The following ITGA4 variants were observed in gnomAD, a reference collection of about 807,000 sequenced individuals.
The protein encoded by ITGA4 is integrin subunit alpha 4.
Under a neutral mutation model 133.6 loss-of-function variants are expected in ITGA4, and 63 were observed. That is an observed-to-expected ratio of 0.47 (90% confidence interval 0.38 to 0.58). The LOEUF is 0.58. ITGA4 is among the 20% of genes least tolerant of loss of function. ITGA4 has a pLI of 0.00. For missense variants in ITGA4, 1,076 were observed against 1,252.7 expected, an observed-to-expected ratio of 0.86 and a Z score of 2.13; for synonymous variants, 483 against 438.0, an observed-to-expected ratio of 1.10 and a Z score of -1.28.
intron 2 of ITGA4, chr2:181,458,959 A>G (rs1346920518): frequency 2.0e-5 from 3 of 152,438 alleles, no homozygotes; most frequent in Non-Finnish European, 2.9e-5. Flanking sequence ...CAAGTTGAAA[A>G]ATGTGTACTG....
At chr2:181,492,791 T>C (rs1230392629) in intron 10 of ITGA4, among the ~76,000 whole-genome samples, 2 of 152,218 alleles carry the variant, frequency 1.3e-5, no homozygotes, top group South Asian at 2.1e-4. Flanking sequence ...ATCATTTTCA[T>C]TGGAATAGGA....
At chr2:181,534,751 T>A (rs757516494) in intron 26 of ITGA4, 65 bp from the exon 27 acceptor site, 7 of 1,383,598 alleles carry the variant, frequency 5.1e-6, no homozygotes, top group Non-Finnish European at 6.9e-6. Context: ...AAAGGAAATA[T>A]AAGCAACGTT....
intron 20 of ITGA4, 82 bp from the exon 21 acceptor site, chr2:181,525,120 A>C: frequency 1.4e-6 from 1 of 738,526 alleles, no homozygotes; most frequent in South Asian, 1.7e-5. Flanking sequence ...TGAGTATATT[A>C]GGTATACAGG....
At chr2:181,460,254 T>C (rs1451528822) in intron 2 of ITGA4, among the ~76,000 whole-genome samples, 1 of 152,222 alleles carries the variant, frequency 6.6e-6, no homozygotes, top group Non-Finnish European at 1.5e-5. Context: ...AGTTAAAACA[T>C]TAATAGTGAT....
At chr2:181,470,853 T>C (rs547185884) in intron 2 of ITGA4, among the ~76,000 whole-genome samples, 1 of 152,044 alleles carries the variant, frequency 6.6e-6, no homozygotes, top group Non-Finnish European at 1.5e-5. Context: ...GCAGCCTAGA[T>C]GACAGAGTGA....
chr2:181,499,772 C>CT (rs1484884555), intron 15 of ITGA4, among the ~76,000 whole-genome samples: 1 of 152,088 alleles, frequency 6.6e-6, no homozygotes, highest in African/African-American at 2.4e-5. Flanking sequence ...TAAAGAGGTT[C>CT]TTTTTTTCAT....
At chr2:181,521,554 A>C (rs1023570473) in intron 17 of ITGA4, among the ~76,000 whole-genome samples, 2 of 152,220 alleles carry the variant, frequency 1.3e-5, no homozygotes, top group African/African-American at 4.8e-5. Context: ...ATGGATTTAC[A>C]GCAATCTATA....
rs776412058 is a variant in ITGA4, at chr2:181,457,517, C to T, written c.-138C>T. 2.2e-5 allele frequency: 18 copies of T among 811,046 alleles called. No individual in the cohort carries two copies. Among genetic ancestry groups the T allele is most frequent in the Non-Finnish European group, 3.2e-5 (17 of 528,558 alleles). 50.2% of individuals were successfully genotyped at this position (811,046 alleles called of 1,614,324 possible). On this transcript the variant is annotated 5_prime_UTR_variant, in exon 1 of 28. Transcript: ENST00000397033. ...GCCGACTTCCCCTCCTCTTCCCTCT[C>T]TCCTTCCTTTAGCCCGCTGGCGCCG...
At chr2:181,492,182 AGTGG>A (rs1451746827) in intron 10 of ITGA4, among the ~76,000 whole-genome samples, 7 of 152,262 alleles carry the variant, frequency 4.6e-5, no homozygotes, top group African/African-American at 1.7e-4. Context: ...TGAATAAATG[AGTGG>A]GCATATTTGT....
chr2:181,461,176 T>G (rs1685267246), intron 2 of ITGA4, among the ~76,000 whole-genome samples: 1 of 147,836 alleles, frequency 6.8e-6, no homozygotes, highest in Non-Finnish European at 1.5e-5. Flanking sequence ...ATTCATGCCA[T>G]AAGCAGAAGT....
intron 2 of ITGA4, among the ~76,000 whole-genome samples, chr2:181,472,337 ATTGTC>A (rs1685574032): frequency 6.6e-6 from 1 of 152,108 alleles, no homozygotes; most frequent in African/African-American, 2.4e-5. Flanking sequence ...GTTCTAAACT[ATTGTC>A]TTTTTAATCT....
At position 181,457,728 on chromosome 2, in the gene ITGA4, G is replaced by C. The variant is rs751645223; in HGVS notation, c.74G>C (p.Cys25Ser). The change falls in exon 1 of 28, where the codon TGC becomes TCC. Residue 25 changes from cysteine (C) to serine (S), a missense_variant. This residue lies in a region of ITGA4 where 82 missense variants were observed against 68.3 expected (regional missense o/e 1.20). Coordinates refer to ENST00000397033, the MANE Select transcript of ITGA4 (RefSeq NM_000885.6). ...AVRETVMLLLCLGVPTGRPYN... is the reference protein window; with the variant it reads ...AVRETVMLLLSLGVPTGRPYN... ...CGGGAGACGGTGATGCTGTTGCTGT[G>C]CCTGGGGGTCCCGACCGGCCGCCCC... 2 of 1,612,810 alleles carry C rather than the reference G, an allele frequency of 1.2e-6. No homozygotes were observed. The highest frequency in any genetic ancestry group is 1.7e-6 in the Non-Finnish European group (2 of 1,179,784).
intron 2 of ITGA4, chr2:181,459,526 T>A (rs747651972): frequency 2.0e-5 from 3 of 152,198 alleles, no homozygotes; most frequent in African/African-American, 4.8e-5. Flanking sequence ...AGTATAAACA[T>A]AATGGAATTT....
chr2:181,534,600 T>G (rs1200456910), intron 26 of ITGA4, among the ~76,000 whole-genome samples: 1 of 148,946 alleles, frequency 6.7e-6, no homozygotes, highest in Non-Finnish European at 1.5e-5. Context: ...TTGAATAGAT[T>G]GGAGGAAAAG....
chr2:181,477,672 C>T (rs1466280894), intron 4 of ITGA4, among the ~76,000 whole-genome samples: 1 of 152,050 alleles, frequency 6.6e-6, no homozygotes, highest in Admixed American at 6.6e-5. Flanking sequence ...TTAGAATTGT[C>T]ATTATCAAAA....
In ITGA4 at chr2:181,537,042, G is replaced by T. The variant is rs1559062728; in HGVS notation, c.*1515G>T. ...TGTTCTGAGATTTGCGAAGGCATTTGAGTAGTGAAATGTAAGCACAAAACC... is the reference window on the plus strand; with the variant it reads ...TGTTCTGAGATTTGCGAAGGCATTTTAGTAGTGAAATGTAAGCACAAAACC... On this transcript the variant is annotated 3_prime_UTR_variant, in exon 28 of 28. Coordinates refer to ENST00000397033, the MANE Select transcript of ITGA4 (RefSeq NM_000885.6). 2 of 444,874 alleles carry T rather than the reference G, an allele frequency of 4.5e-6. No individual in the cohort carries two copies. The highest frequency in any genetic ancestry group is 9.0e-6 in the Non-Finnish European group (2 of 221,868). The allele number at this position is 444,874 out of a possible 1,614,324, so 27.6% of individuals were successfully genotyped here. A position where few individuals can be genotyped will look rare whatever the true frequency, so the allele number is the denominator to read the frequency against.
intron 17 of ITGA4, among the ~76,000 whole-genome samples, chr2:181,519,131 A>G (rs1686668611): frequency 6.6e-6 from 1 of 152,132 alleles, no homozygotes; most frequent in Non-Finnish European, 1.5e-5. Flanking sequence ...ATATACACCA[A>G]TGATAAGAAA....
chr2:181,501,849 G>A (rs571446458), intron 15 of ITGA4, among the ~76,000 whole-genome samples: 2 of 152,190 alleles, frequency 1.3e-5, no homozygotes, highest in African/African-American at 2.4e-5. Context: ...TATCAACTAA[G>A]GCTTTGTACA....
Position 181,516,683 on chromosome 2 carries a change from A to G in ITGA4, c.1922+4908A>G, listed in dbSNP as rs1050847659. ...GAATCAATTATTTTGTTATTGTGAT[A>G]CATTCTCTGGAGTTGAACCTAGAGG... On this transcript the variant is annotated intron_variant, in intron 17 of 27. Coordinates refer to ENST00000397033, the MANE Select transcript of ITGA4 (RefSeq NM_000885.6). The surrounding 1 kb of genome is among the most constrained non-coding windows in gnomAD (Gnocchi z 4.0). Among the ~76,000 whole-genome samples, 2 of 152,062 alleles carry G rather than the reference A, an allele frequency of 1.3e-5. No individual in the cohort carries two copies. The highest frequency in any genetic ancestry group is 4.8e-5 in the African/African-American group (2 of 41,436).
Sources: gnomAD v4.1 joint callset for allele counts (sites outside exome capture counted in the v4.1 genomes callset) on GRCh38, gnomAD v4.1.1 for gene constraint, gnomAD v4.1.1 regional missense constraint, Gnocchi (gnomAD v3.1) non-coding constraint, MANE v1.5 for transcripts, NCBI Gene and HGNC (gene_info 2026-07-23, HGNC 2026-07-21) for gene names.